STXBP5L: variants seen among roughly 807,000 people sequenced by gnomAD.
STXBP5L encodes syntaxin-binding protein 5-like.
A neutral mutation model predicts 144.5 loss-of-function variants in STXBP5L; 65 were observed. The observed-to-expected ratio is 0.45, with a 90% CI of 0.37 to 0.55. The LOEUF (loss-of-function observed/expected upper bound fraction) is 0.55, where lower values mean the gene tolerates loss of function less well. STXBP5L is among the 20% of genes least tolerant of loss of function. The pLI is 0.00. For missense variants in STXBP5L, 1,298 were observed against 1,405.5 expected (o/e 0.92, Z 1.22); for synonymous variants, 505 against 469.6 (o/e 1.08, Z -0.97).
At chr3:121,159,627 CTTTTTTTTTT>C (rs1161847567) in intron 9 of STXBP5L, among the ~76,000 whole-genome samples, 3 of 121,932 alleles carry the variant, frequency 2.5e-5, no homozygotes, top group Non-Finnish European at 5.1e-5. Flanking sequence ...TGTACATTTT[CTTTTTTTTTT>C]TTTTTTTTTT....
At chr3:120,977,983 T>C (rs993744118) in intron 3 of STXBP5L, among the ~76,000 whole-genome samples, 5 of 152,242 alleles carry the variant, frequency 3.3e-5, no homozygotes, top group Non-Finnish European at 7.3e-5. Context: ...TAACATTTTT[T>C]CCTTCATTTC....
intron 22 of STXBP5L, among the ~76,000 whole-genome samples, chr3:121,392,029 G>T (rs1398571307): frequency 1.3e-5 from 2 of 152,178 alleles, no homozygotes; most frequent in Non-Finnish European, 2.9e-5. Flanking sequence ...TCTAGAGATA[G>T]TAGGCCTTGT....
Position 121,330,543 on chromosome 3 carries a change from T to G in STXBP5L, c.2176+12003T>G, listed in dbSNP as rs2044290180. ...GAGTTCTATGACCCCACTCATTGCT[T>G]GAGACAGTAGGGTACCTTTCCTGGG... On this transcript the variant is annotated intron_variant, in intron 20 of 26. Coordinates refer to ENST00000471454, the MANE Select transcript of STXBP5L (RefSeq NM_001308330.2). 2.0e-5 allele frequency among the ~76,000 whole-genome samples: 3 copies of G among 152,120 alleles called. No individual in the cohort carries two copies. In the South Asian group the frequency reaches 6.2e-4, roughly 32 times the overall value.
At chr3:121,271,898 G>T (rs1024917597) in intron 18 of STXBP5L, among the ~76,000 whole-genome samples, 1 of 152,166 alleles carries the variant, frequency 6.6e-6, no homozygotes, top group African/African-American at 2.4e-5. Flanking sequence ...GAAGGTGAAG[G>T]GGAAGCAAGC....
intron 9 of STXBP5L, among the ~76,000 whole-genome samples, chr3:121,203,368 A>G (rs1475664916): frequency 7.9e-5 from 12 of 152,174 alleles, no homozygotes; most frequent in Non-Finnish European, 5.9e-5. Flanking sequence ...TTTTAATCTC[A>G]ACCTCTACAG....
chr3:121,338,341 C>T (rs960827495), intron 20 of STXBP5L, among the ~76,000 whole-genome samples: 4 of 151,848 alleles, frequency 2.6e-5, no homozygotes, highest in Non-Finnish European at 4.4e-5. Flanking sequence ...CAAACAAGCT[C>T]AATTAGAAAT....
intron 20 of STXBP5L, among the ~76,000 whole-genome samples, chr3:121,334,144 A>G (rs1489525370): frequency 6.6e-6 from 1 of 152,058 alleles, no homozygotes; most frequent in Non-Finnish European, 1.5e-5. Context: ...GCCTTCCACC[A>G]TGATTGTGAA....
intron 3 of STXBP5L, among the ~76,000 whole-genome samples, chr3:121,016,730 A>T (rs1377259769): frequency 2.0e-5 from 3 of 152,356 alleles, no homozygotes; most frequent in Non-Finnish European, 2.9e-5. Context: ...TAGCAAACTC[A>T]CATGAGGACA....
Position 121,421,069 on chromosome 3 carries a change from T to C in STXBP5L, c.*1972T>C, listed in dbSNP as rs1035468473. ...TAATTTATAGAATTATAAAATTATA[T>C]GGTAAAAATATTAAAGAAACTTAAG... On this transcript the variant is annotated 3_prime_UTR_variant, in exon 27 of 27. Coordinates refer to ENST00000471454, the MANE Select transcript of STXBP5L (RefSeq NM_001308330.2). 1 of 152,110 alleles carries C rather than the reference T, an allele frequency of 6.6e-6. No individual in the cohort carries two copies. The highest frequency in any genetic ancestry group is 2.4e-5 in the African/African-American group (1 of 41,440). The allele number at this position is 152,110 out of a possible 1,614,324, so 9.4% of individuals were successfully genotyped here.
At chr3:120,957,412 TA>T (rs1938157156) in intron 3 of STXBP5L, among the ~76,000 whole-genome samples, 1 of 152,038 alleles carries the variant, frequency 6.6e-6, no homozygotes, top group South Asian at 2.1e-4. Context: ...AAGTGATTTT[TA>T]AAAAATATGT....
intron 6 of STXBP5L, among the ~76,000 whole-genome samples, chr3:121,117,411 A>C (rs149959995): frequency 6.6e-6 from 1 of 151,992 alleles, no homozygotes; most frequent in Non-Finnish European, 1.5e-5. Context: ...TATGTTCCAT[A>C]GAATTCTAAT....
chr3:121,306,208 G>C (rs1253567379), intron 19 of STXBP5L, among the ~76,000 whole-genome samples: 2 of 152,090 alleles, frequency 1.3e-5, no homozygotes, highest in African/African-American at 4.8e-5. Flanking sequence ...GAAACAATGA[G>C]AGTCTGTGGC....
intron 20 of STXBP5L, among the ~76,000 whole-genome samples, chr3:121,359,390 C>A (rs1437475011): frequency 6.6e-6 from 1 of 151,558 alleles, no homozygotes; most frequent in African/African-American, 2.4e-5. Flanking sequence ...AAAATATTTT[C>A]TCCCATTCTG....
At chr3:121,308,197 C>T (rs1016023335) in intron 19 of STXBP5L, among the ~76,000 whole-genome samples, 10 of 152,126 alleles carry the variant, frequency 6.6e-5, no homozygotes, top group African/African-American at 1.9e-4. Context: ...AGCAAACCAC[C>T]GTGGCAAACG....
At position 121,045,492 on chromosome 3, in the gene STXBP5L, A is replaced by C. The variant is rs1205381450; in HGVS notation, c.427A>C (p.Lys143Gln). The C allele has an allele frequency of 3.1e-6, 5 of 1,613,216 alleles. No individual in the cohort carries two copies. Among genetic ancestry groups the C allele is most frequent in the Non-Finnish European group, 4.2e-6 (5 of 1,179,532 alleles). Residue 143 changes from lysine to glutamine, a missense_variant, in exon 5 of 27, where the codon AAA (lysine) becomes CAA (glutamine). Coordinates refer to ENST00000471454, the MANE Select transcript of STXBP5L (RefSeq NM_001308330.2). ...DTLHLWNLRQKRPAILHSLKF... is the reference protein window; with the variant it reads ...DTLHLWNLRQQRPAILHSLKF... The stretch of plus-strand genomic sequence containing the variant: ...ACTTCATTTGTGGAACCTTAGACAA[A>C]AAAGGCCAGCCATACTCCATTCTCT...
chr3:121,381,038 A>G (rs2046311234), intron 21 of STXBP5L, among the ~76,000 whole-genome samples: 1 of 152,128 alleles, frequency 6.6e-6, no homozygotes, highest in Non-Finnish European at 1.5e-5. Flanking sequence ...GTAGAGAAAG[A>G]AAAATGGTGA....
chr3:121,304,027 T>TA (rs35311200), intron 19 of STXBP5L, among the ~76,000 whole-genome samples: 7 of 138,414 alleles, frequency 5.1e-5, no homozygotes, highest in Admixed American at 7.9e-5. Context: ...TTAAAGTATA[T>TA]AAAAAAAAAA....
chr3:120,943,311 A>T (rs1465173848), intron 2 of STXBP5L, among the ~76,000 whole-genome samples: 1 of 151,762 alleles, frequency 6.6e-6, no homozygotes. Flanking sequence ...CTTTTTAGAG[A>T]CAACATTTGC....
chr3:121,321,497 A>G (rs1352485486), intron 20 of STXBP5L, among the ~76,000 whole-genome samples: 4 of 152,326 alleles, frequency 2.6e-5, no homozygotes, highest in South Asian at 2.1e-4. Flanking sequence ...ATAGCCACAC[A>G]TACACCTAAA....
Sources: gnomAD v4.1 joint callset for allele counts (sites outside exome capture counted in the v4.1 genomes callset) on GRCh38, gnomAD v4.1.1 for gene constraint, MANE v1.5 for transcripts, NCBI Gene and HGNC (gene_info 2026-07-23, HGNC 2026-07-21) for gene names.